Variants in MICU2 observed in about 807,000 individuals in gnomAD.
The protein encoded by MICU2 is calcium uptake protein 2, mitochondrial.
Under a neutral mutation model 60.4 loss-of-function variants are expected in MICU2, and 64 were observed. The observed-to-expected ratio is 1.06, with a 90% CI of 0.87 to 1.31. MICU2 has a LOEUF of 1.31. MICU2 is among the 50% of genes most tolerant of loss of function. The pLI, the probability that MICU2 is intolerant of heterozygous loss-of-function variation, is 0.00. For missense variants in MICU2, 569 were observed against 531.0 expected (o/e 1.07, Z -0.70); for synonymous variants, 201 against 175.0 (o/e 1.15, Z -1.17).
At chr13:21,556,382 T>G (rs1290501259) in intron 2 of MICU2, among the ~76,000 whole-genome samples, 2 of 152,198 alleles carry the variant, frequency 1.3e-5, no homozygotes, top group African/African-American at 4.8e-5. Context: ...TTTCCTTATC[T>G]CTTCACCTCC....
rs1887219009 is a variant in MICU2, at chr13:21,539,357, T to TGACA, written c.407_410dup (p.Gly138ValfsTer19). The TGACA allele has an allele frequency of 6.2e-7, 1 of 1,614,016 alleles. No homozygotes were observed. The highest frequency in any genetic ancestry group is 1.7e-5 in the Admixed American group (1 of 60,008). On this transcript the variant is annotated frameshift_variant, in exon 4 of 12. Coordinates refer to ENST00000382374, the MANE Select transcript of MICU2 (RefSeq NM_152726.3). LOFTEE classifies it high-confidence loss of function. Reference sequence around the variant, plus strand: ...ATCCACAGCCAGCTGTTTGGATCCCTGACAGTGTATCCTCGATGTCCTTTG... The same window carrying TGACA: ...ATCCACAGCCAGCTGTTTGGATCCCTGACAGACAGTGTATCCTCGATGTCCTTTG...
At chr13:21,600,362 C>G (rs1198893063) in intron 1 of MICU2, among the ~76,000 whole-genome samples, 1 of 152,184 alleles carries the variant, frequency 6.6e-6, no homozygotes, top group Non-Finnish European at 1.5e-5. Flanking sequence ...TTGCAGTCAC[C>G]CTCCAGGTGT....
In MICU2 at chr13:21,521,328, C is replaced by T. The variant is rs745682179; in HGVS notation, c.515-1G>A. On this transcript the variant is annotated splice_acceptor_variant, in intron 5 of 11. Coordinates refer to ENST00000382374, the MANE Select transcript of MICU2 (RefSeq NM_152726.3). LOFTEE classifies it high-confidence loss of function. Reference sequence around the variant, plus strand: ...GCAACATGAAATCCAGAATGGGGTTCTGCAGTGAAGTGAAAAATGAATATT... The same window carrying T: ...GCAACATGAAATCCAGAATGGGGTTTTGCAGTGAAGTGAAAAATGAATATT... 3.1e-6 allele frequency: 5 copies of T among 1,606,306 alleles called. No individual in the cohort carries two copies. In the East Asian group the frequency reaches 1.1e-4, roughly 36 times the overall value.
chr13:21,539,508 A>C, intron 3 of MICU2, 131 bp from the exon 4 acceptor site: 2 of 1,300,720 alleles, frequency 1.5e-6, no homozygotes, highest in Non-Finnish European at 2.2e-6. Context: ...TCACTGTGTT[A>C]GCCAGGATGG....
At chr13:21,515,105 G>GACA (rs1886536408) in intron 6 of MICU2, among the ~76,000 whole-genome samples, 1 of 148,024 alleles carries the variant, frequency 6.8e-6, no homozygotes, top group African/African-American at 2.5e-5. Context: ...TTTTTGAGAC[G>GACA]GAGTCTCGCT....
chr13:21,553,392 C>T (rs141046212), intron 2 of MICU2, among the ~76,000 whole-genome samples: 4,105 of 152,204 alleles, frequency 0.027, 185 homozygotes, highest in African/African-American at 0.092. Flanking sequence ...ATTTGACTTC[C>T]TCTTTTCCTA....
At position 21,554,289 on chromosome 13, in the gene MICU2, A is replaced by T. The variant is rs369538942; in HGVS notation, c.358+12508T>A. 1.1e-4 allele frequency among the ~76,000 whole-genome samples: 17 copies of T among 152,234 alleles called. No homozygotes were observed. The East Asian group carries it at 2.3e-3, about 21-fold the overall frequency. On this transcript the variant is annotated intron_variant, in intron 2 of 11. Coordinates refer to ENST00000382374, the MANE Select transcript of MICU2 (RefSeq NM_152726.3). ...TTGACCACACAGTTGGAAGTAAAGC[A>T]CTCCTCAGCAAATGTAAAAGAACAG...
chr13:21,539,508 A>G (rs373098990), intron 3 of MICU2, 131 bp from the exon 4 acceptor site: 183 of 1,300,718 alleles, frequency 1.4e-4, no homozygotes, highest in Middle Eastern at 6.1e-4. Flanking sequence ...TCACTGTGTT[A>G]GCCAGGATGG....
chr13:21,583,510 A>T (rs1031326550), intron 1 of MICU2, among the ~76,000 whole-genome samples: 4 of 152,214 alleles, frequency 2.6e-5, no homozygotes, highest in Admixed American at 1.3e-4. Context: ...TAGGACAGAC[A>T]AGTCTTTCAT....
chr13:21,568,695 TA>T (rs1213443848), intron 1 of MICU2, among the ~76,000 whole-genome samples: 3 of 152,182 alleles, frequency 2.0e-5, no homozygotes, highest in Non-Finnish European at 4.4e-5. Flanking sequence ...GATAGGCCAT[TA>T]ACTCTATGTT....
At chr13:21,500,525 C>A (rs1384912726) in intron 9 of MICU2, among the ~76,000 whole-genome samples, 3 of 151,362 alleles carry the variant, frequency 2.0e-5, no homozygotes, top group Non-Finnish European at 4.4e-5. Context: ...TCCAATTCTC[C>A]CGCCTCAGCC....
intron 1 of MICU2, among the ~76,000 whole-genome samples, chr13:21,598,097 AG>A (rs1439277599): frequency 5.9e-5 from 9 of 152,166 alleles, no homozygotes; most frequent in African/African-American, 2.2e-4. Flanking sequence ...GTATTTATTT[AG>A]ATTAAAAAAT....
chr13:21,517,175 T>C (rs143675361), intron 6 of MICU2, among the ~76,000 whole-genome samples: 28 of 152,304 alleles, frequency 1.8e-4, no homozygotes, highest in African/African-American at 6.7e-4. Context: ...TAATAAAACA[T>C]GAATATTTAC....
chr13:21,525,944 ATTTATTTT>A (rs1566147718), intron 4 of MICU2, among the ~76,000 whole-genome samples: 2 of 90,336 alleles, frequency 2.2e-5, no homozygotes, highest in Non-Finnish European at 5.0e-5. Flanking sequence ...TTATTTATTT[ATTTATTTT>A]TTAACAAGGT....
chr13:21,511,968 T>C (rs1177173430), intron 7 of MICU2, among the ~76,000 whole-genome samples: 1 of 152,192 alleles, frequency 6.6e-6, no homozygotes, highest in Non-Finnish European at 1.5e-5. Flanking sequence ...TTGTTTCCCG[T>C]TTGGGCTGGA....
chr13:21,529,373 A>T (rs1566148884), intron 4 of MICU2, among the ~76,000 whole-genome samples: 1 of 152,244 alleles, frequency 6.6e-6, no homozygotes, highest in Non-Finnish European at 1.5e-5. Context: ...GGTAACTGAG[A>T]GAGATCCAAA....
intron 4 of MICU2, chr13:21,531,133 T>C: frequency 1.1e-6 from 1 of 912,102 alleles, no homozygotes; most frequent in Non-Finnish European, 1.9e-6. Flanking sequence ...GCCTTTCTTG[T>C]GGTTATCTAT....
chr13:21,603,229 C>T (rs746811547), intron 1 of MICU2, among the ~76,000 whole-genome samples: 38 of 152,190 alleles, frequency 2.5e-4, no homozygotes, highest in Admixed American at 6.5e-5. Flanking sequence ...GCCTCGGCCT[C>T]CCAAAGCCCT....
intron 2 of MICU2, among the ~76,000 whole-genome samples, chr13:21,563,647 T>C (rs1254254581): frequency 6.6e-6 from 1 of 152,258 alleles, no homozygotes; most frequent in East Asian, 1.9e-4. Flanking sequence ...CTGTTCCTTA[T>C]ATGTTACACC....
Sources: allele counts gnomAD v4.1 joint callset (sites outside exome capture counted in the v4.1 genomes callset), GRCh38; gene constraint gnomAD v4.1.1; transcripts MANE v1.5; gene names NCBI Gene and HGNC (gene_info 2026-07-23, HGNC 2026-07-21).